Variants in SLC2A8 observed in about 807,000 individuals in gnomAD.
SLC2A8 encodes solute carrier family 2, facilitated glucose transporter member 8.
A neutral mutation model predicts 49.2 loss-of-function variants in SLC2A8; 53 were observed. The ratio of observed to expected loss-of-function variants is 1.08; its 90% CI spans 0.86 to 1.35. The LOEUF is 1.35. Ranked by LOEUF, SLC2A8 falls within the 40% of genes most tolerant of loss-of-function variation. The pLI is 0.00. For synonymous variants in SLC2A8, 299 were observed against 297.0 expected (o/e 1.01, Z -0.07); for missense variants, 688 against 671.7 (o/e 1.02, Z -0.27).
intron 4 of SLC2A8, 42 bp from the exon 5 acceptor site, chr9:127,402,515 A>G (rs1018934919): frequency 2.1e-6 from 3 of 1,461,674 alleles, no homozygotes; most frequent in African/African-American, 2.8e-5. Flanking sequence ...AGGCTGGCTC[A>G]CCCTGGCTCT....
chr9:127,403,833 C>G (rs1833387767), intron 6 of SLC2A8, 30 bp downstream of exon 6: 2 of 1,608,344 alleles, frequency 1.2e-6, no homozygotes, highest in East Asian at 4.5e-5. Context: ...CCTGCCTCGT[C>G]CAGCCCCCAC....
At chr9:127,403,427 T>G in intron 5 of SLC2A8, 1 of 580,086 alleles carries the variant, frequency 1.7e-6, no homozygotes, top group Non-Finnish European at 3.1e-6. Flanking sequence ...GATTACCTCT[T>G]TGTGGCTCCC....
At chr9:127,402,400 T>C in intron 4 of SLC2A8, 157 bp from the exon 5 acceptor site, 1 of 1,220,926 alleles carries the variant, frequency 8.2e-7, no homozygotes, top group South Asian at 1.8e-5. Flanking sequence ...TGTGCCTTCA[T>C]GAACAGTTGT....
At chr9:127,398,945 G>A (rs1241425629) in intron 3 of SLC2A8, among the ~76,000 whole-genome samples, 1 of 152,248 alleles carries the variant, frequency 6.6e-6, no homozygotes, top group African/African-American at 2.4e-5. Flanking sequence ...TTTCACCAAC[G>A]TTTGCTAACC....
chr9:127,404,909 G>T lies in SLC2A8; in HGVS notation c.1068G>T (p.Ser356=). The change falls in exon 8 of 10, where the codon TCG becomes TCT. Residue 356 remains serine (S), a synonymous_variant. Transcript: ENST00000373371. ...GPGNSSHVAI[S]APVSAQPVDA... ...GCAACTCCTCGCACGTGGCCATCTC[G>T]GCGCCTGTCTCTGCACAGCCTGTTG... 6.2e-7 allele frequency: 1 copy of T among 1,612,608 alleles called. No homozygotes were observed. Among genetic ancestry groups the T allele is most frequent in the Non-Finnish European group, 8.5e-7 (1 of 1,179,876 alleles).
intron 3 of SLC2A8, among the ~76,000 whole-genome samples, chr9:127,398,633 C>T (rs1428157137): frequency 2.0e-5 from 3 of 152,230 alleles, no homozygotes; most frequent in Admixed American, 6.5e-5. Context: ...CCCCTCCTGA[C>T]CCAGGCTGCC....
At chr9:127,402,340 G>A (rs888373920) in intron 4 of SLC2A8, 5 of 588,248 alleles carry the variant, frequency 8.5e-6, no homozygotes, top group Admixed American at 3.7e-5. Context: ...TAATGTCCGC[G>A]TTGTCATACC....
In SLC2A8 at chr9:127,397,935, G is replaced by T; in HGVS notation, c.250G>T (p.Gly84Ter). Residue 84 changes from glycine to a stop codon, truncating the protein, a stop_gained, in exon 3 of 10, where the codon GGA becomes TGA. Coordinates refer to ENST00000373371, the MANE Select transcript of SLC2A8 (RefSeq NM_014580.5). LOFTEE classifies it high-confidence loss of function. ...AVVTLGAAAG[G>*]VLGGWLVDRA... ...CGTGACCCTGGGTGCCGCGGCGGGG[G>T]GAGTGCTGGGCGGCTGGCTGGTGGA... 6.5e-7 allele frequency: 1 copy of T among 1,531,884 alleles called. No individual in the cohort carries two copies. The highest frequency in any genetic ancestry group is 8.7e-7 in the Non-Finnish European group (1 of 1,145,530). The allele number at this position is 1,531,884 out of a possible 1,614,324, so 94.9% of individuals were successfully genotyped here.
intron 3 of SLC2A8, 100 bp downstream of exon 3, chr9:127,398,211 G>A: frequency 2.4e-6 from 3 of 1,232,350 alleles, no homozygotes; most frequent in Non-Finnish European, 3.6e-6. Context: ...TCCCCCTGGC[G>A]GGACCTTCTG....
rs754228155 is a variant in SLC2A8, at chr9:127,404,855, C to T, written c.1014C>T (p.Ala338=). Residue 338 remains alanine, a synonymous_variant, in exon 8 of 10, where the codon GCC becomes GCT. Transcript: ENST00000373371. ...TGTTCAGCACGAGTGCCTTCGGCGC[C>T]TACTTCAAGCTGACCCAGGGTGGCC... ...VMVFSTSAFG[A]YFKLTQGGPG... is the part of the protein sequence containing the mutation. The T allele has an allele frequency of 3.7e-6, 6 of 1,612,654 alleles. No individual in the cohort carries two copies. The highest frequency in any genetic ancestry group is 5.1e-6 in the Non-Finnish European group (6 of 1,179,732).
At chr9:127,398,189 T>G (rs111263158) in intron 3 of SLC2A8, 78 bp downstream of exon 3, 36 of 1,461,104 alleles carry the variant, frequency 2.5e-5, no homozygotes, top group Non-Finnish European at 3.3e-5. Context: ...TCCCCAGGCC[T>G]GGGGGCGCGG....
At chr9:127,403,355 G>C in intron 5 of SLC2A8, 1 of 447,918 alleles carries the variant, frequency 2.2e-6, no homozygotes, top group South Asian at 2.8e-5. Context: ...GCCCAGACCT[G>C]AGGCAGGTGC....
Position 127,407,878 on chromosome 9 carries a change from ACAAAAC to A in SLC2A8, c.*630_*635del, listed in dbSNP as rs1156943365. The A allele has an allele frequency of 3.5e-4, 25 of 72,212 alleles. No homozygotes were observed. Among genetic ancestry groups the A allele is most frequent in the African/African-American group, 9.8e-4 (24 of 24,608 alleles). The allele number at this position is 72,212 out of a possible 1,614,324, so 4.5% of individuals were successfully genotyped here. On this transcript the variant is annotated 3_prime_UTR_variant, in exon 10 of 10. Transcript: ENST00000373371. ...TTTAAAAAATAAACAGCAAAAAAAA[ACAAAAC>A]AAAACAAAAAAAAACACCTTTTGTT...
At chr9:127,405,370 G>C (rs747597346) in intron 8 of SLC2A8, 50 bp from the exon 9 acceptor site, 27 of 1,595,246 alleles carry the variant, frequency 1.7e-5, no homozygotes, top group Non-Finnish European at 2.0e-5. Context: ...AAGCTGAGGA[G>C]CCCAGCCCTG....
At chr9:127,407,080 G>C in intron 9 of SLC2A8, 32 bp from the exon 10 acceptor site, 1 of 1,610,588 alleles carries the variant, frequency 6.2e-7, no homozygotes, top group South Asian at 1.1e-5. Flanking sequence ...ATCTCTCCCC[G>C]CGTCCACCCA....
chr9:127,406,924 G>C (rs1385991535), intron 9 of SLC2A8, among the ~76,000 whole-genome samples, 188 bp from the exon 10 acceptor site: 3 of 152,236 alleles, frequency 2.0e-5, no homozygotes, highest in African/African-American at 7.2e-5. Flanking sequence ...CTCGGCCCAA[G>C]CCACCAGACT....
rs1330376473 is a variant in SLC2A8 at position 127,398,107 on chromosome 9, C to A, written c.422C>A (p.Ala141Asp). ...GCCTGCGGTGTTGCCTCCCTAGTGG[C>A]CCCGGTGAGTGTCCCGTCTCTCGAG... ...GLACGVASLV[A>D]PVYISEIAYP... is the part of the protein sequence containing the mutation. The change falls in exon 3 of 10, where the codon GCC becomes GAC. Residue 141 changes from alanine (A) to aspartate (D), a missense_variant. Physicochemically the swap from Ala to Asp is moderately radical, Grantham distance 126. Transcript: ENST00000373371. 25 of 1,575,214 alleles carry A rather than the reference C, an allele frequency of 1.6e-5. No homozygotes were observed. Among genetic ancestry groups the A allele is most frequent in the Non-Finnish European group, 2.0e-5 (23 of 1,163,968 alleles).
chr9:127,397,227 C>T lies in SLC2A8; in HGVS notation c.-4C>T, dbSNP rs1204722296. The stretch of plus-strand genomic sequence containing the variant: ...GAGCTGGCCGATCGGCGTTGGCCGC[C>T]GACATGACGCCCGAGGACCCAGAGG... On this transcript the variant is annotated 5_prime_UTR_variant, in exon 1 of 10. Coordinates refer to ENST00000373371, the MANE Select transcript of SLC2A8 (RefSeq NM_014580.5). The T allele has an allele frequency of 6.2e-6, 9 of 1,458,172 alleles. No individual in the cohort carries two copies. In the East Asian group the frequency reaches 2.1e-4, roughly 34 times the overall value. The allele number at this position is 1,458,172 out of a possible 1,614,324, so 90.3% of individuals were successfully genotyped here. A position where few individuals can be genotyped will look rare whatever the true frequency, so the allele number is the denominator to read the frequency against.
intron 2 of SLC2A8, 78 bp downstream of exon 2, chr9:127,397,616 C>G (rs1451813785): frequency 7.4e-7 from 1 of 1,359,520 alleles, no homozygotes; most frequent in African/African-American, 1.5e-5. Context: ...CCCTCCGCCC[C>G]CCACCCTTCC....
Sources: gnomAD v4.1 joint callset for allele counts (sites outside exome capture counted in the v4.1 genomes callset) on GRCh38, gnomAD v4.1.1 for gene constraint, MANE v1.5 for transcripts, NCBI Gene and HGNC (gene_info 2026-07-23, HGNC 2026-07-21) for gene names.